Variants in ELMO1 observed in about 807,000 individuals in gnomAD.
ELMO1 encodes engulfment and cell motility protein 1.
Under a neutral mutation model 98.9 loss-of-function variants are expected in ELMO1, and 26 were observed. The observed-to-expected ratio is 0.26, with a 90% CI of 0.19 to 0.36. The LOEUF (loss-of-function observed/expected upper bound fraction) is 0.36. ELMO1 is among the 10% of genes least tolerant of loss of function. The pLI, the probability that ELMO1 is intolerant of heterozygous loss-of-function variation, is 1.00. For missense variants in ELMO1, 627 were observed against 935.2 expected (o/e 0.67, Z 4.30); for synonymous variants, 346 against 346.0 (o/e 1.00, Z 0.00).
Position 37,435,009 on chromosome 7 carries a change from T to C in ELMO1, c.-74+13666A>G, listed in dbSNP as rs1805087002. 2.0e-5 allele frequency: 3 copies of C among 152,212 alleles called. 1 individual carries two copies. In the South Asian group the frequency reaches 6.2e-4, roughly 32 times the overall value. The allele number at this position is 152,212 out of a possible 1,614,324, so 9.4% of individuals were successfully genotyped here. A position where few individuals can be genotyped will look rare whatever the true frequency, so the allele number is the denominator to read the frequency against. On this transcript the variant is annotated intron_variant, in intron 1 of 21. Coordinates refer to ENST00000310758, the MANE Select transcript of ELMO1 (RefSeq NM_014800.11). ...AGCCCATGAAATCAACAGGCCTATT[T>C]TTCTCTTGGAAGGAGGCTCACCATT...
intron 15 of ELMO1, among the ~76,000 whole-genome samples, chr7:37,063,344 A>G (rs1033115800): frequency 3.9e-5 from 6 of 152,210 alleles, no homozygotes. Flanking sequence ...AATTCACCCA[A>G]TTAAGATTTC....
rs933986162 is a variant in ELMO1 at position 37,406,124 on chromosome 7, G to A, written c.-74+42551C>T. On this transcript the variant is annotated intron_variant, in intron 1 of 21. Transcript: ENST00000310758. ...CTTAGGGTTCATTCCATCATTCATG[G>A]GAATGCTTGAGTACTCACGCTGGTT... Among the ~76,000 whole-genome samples, 8 of 152,218 alleles carry A rather than the reference G, an allele frequency of 5.3e-5. No individual in the cohort carries two copies. In the South Asian group the frequency reaches 1.0e-3, roughly 20 times the overall value.
chr7:36,872,938 A>C (rs1803650026), intron 19 of ELMO1, among the ~76,000 whole-genome samples: 1 of 152,204 alleles, frequency 6.6e-6, no homozygotes, highest in South Asian at 2.1e-4. Context: ...CTTAGCTTTG[A>C]AAACCCATTG....
chr7:36,869,260 G>A (rs979903307), intron 20 of ELMO1, among the ~76,000 whole-genome samples: 2 of 152,116 alleles, frequency 1.3e-5, no homozygotes, highest in African/African-American at 4.8e-5. Flanking sequence ...GAGTTCCCAT[G>A]GAGCTGAGGT....
At chr7:37,175,826 G>A (rs970385514) in intron 13 of ELMO1, among the ~76,000 whole-genome samples, 6 of 152,098 alleles carry the variant, frequency 3.9e-5, no homozygotes, top group Admixed American at 1.3e-4. Flanking sequence ...CAGCCTGGGC[G>A]ACAGAGTGAG....
intron 14 of ELMO1, among the ~76,000 whole-genome samples, chr7:37,113,170 T>A (rs886353846): frequency 1.3e-5 from 2 of 152,224 alleles, no homozygotes; most frequent in Non-Finnish European, 2.9e-5. Context: ...GTGGTTTCCA[T>A]CCATGGGGTG....
intron 14 of ELMO1, among the ~76,000 whole-genome samples, chr7:37,114,461 G>A (rs1014861920): frequency 6.6e-6 from 1 of 152,138 alleles, no homozygotes; most frequent in African/African-American, 2.4e-5. Context: ...GGGTCTTAAT[G>A]GAATAAAGAG....
At chr7:37,445,003 T>C (rs956358564) in intron 1 of ELMO1, among the ~76,000 whole-genome samples, 1 of 152,214 alleles carries the variant, frequency 6.6e-6, no homozygotes, top group Non-Finnish European at 1.5e-5. Context: ...AATGTAGTTT[T>C]CCCCAGAATT....
chr7:37,083,287 A>T (rs1330761456), intron 15 of ELMO1, among the ~76,000 whole-genome samples: 3 of 152,182 alleles, frequency 2.0e-5, no homozygotes, highest in Non-Finnish European at 2.9e-5. Flanking sequence ...CTAGGAATCA[A>T]CTGCAGAGTC....
At chr7:37,448,404 T>TCCGCTC (rs1169702822) in intron 1 of ELMO1, among the ~76,000 whole-genome samples, 1 of 143,586 alleles carries the variant, frequency 7.0e-6, no homozygotes, top group African/African-American at 2.6e-5. Flanking sequence ...GCCCCCTCCC[T>TCCGCTC]CCGCTCCCAC....
chr7:37,075,813 T>C (rs1424958594), intron 15 of ELMO1, among the ~76,000 whole-genome samples: 1 of 152,190 alleles, frequency 6.6e-6, no homozygotes, highest in Admixed American at 6.5e-5. Flanking sequence ...CACCCTTCCT[T>C]GTATCACTGT....
chr7:37,035,112 G>A (rs1364197170), intron 15 of ELMO1, among the ~76,000 whole-genome samples: 1 of 152,060 alleles, frequency 6.6e-6, no homozygotes, highest in Non-Finnish European at 1.5e-5. Context: ...CCCATGATAG[G>A]GCACTTTTGT....
chr7:37,244,458 T>C, intron 6 of ELMO1, 67 bp from the exon 7 acceptor site: 1 of 1,522,634 alleles, frequency 6.6e-7, no homozygotes, highest in Non-Finnish European at 9.0e-7. Flanking sequence ...ACAAAGAACA[T>C]ATCTTGAAGA....
At chr7:37,082,691 A>T (rs559917371) in intron 15 of ELMO1, among the ~76,000 whole-genome samples, 1 of 152,210 alleles carries the variant, frequency 6.6e-6, no homozygotes, top group South Asian at 2.1e-4. Context: ...TGACTGCGTT[A>T]CTGCACTCCA....
chr7:37,150,037 A>G (rs182116655), intron 13 of ELMO1, among the ~76,000 whole-genome samples: 27 of 152,282 alleles, frequency 1.8e-4, no homozygotes, highest in African/African-American at 5.5e-4. Flanking sequence ...CTAGTATCAC[A>G]GTGACTCAAT....
intron 18 of ELMO1, among the ~76,000 whole-genome samples, chr7:36,882,682 T>C (rs1474721784): frequency 6.6e-6 from 1 of 152,230 alleles, no homozygotes; most frequent in Non-Finnish European, 1.5e-5. Context: ...GGCCTAATTG[T>C]AAAAACTTCA....
chr7:37,002,686 G>A lies in ELMO1; in HGVS notation c.1437+10613C>T, dbSNP rs1224217011. ...TAAATATCTGTTGAAAGAATGAATA[G>A]CATTTGAAGAGTAAGTTGGATATTG... On this transcript the variant is annotated intron_variant, in intron 16 of 21. Transcript: ENST00000310758. Among the ~76,000 whole-genome samples, 4 of 152,188 alleles carry A rather than the reference G, an allele frequency of 2.6e-5. No individual in the cohort carries two copies. In the South Asian group the frequency reaches 8.3e-4, roughly 31 times the overall value.
intron 15 of ELMO1, among the ~76,000 whole-genome samples, chr7:37,089,539 C>T (rs938499385): frequency 1.3e-5 from 2 of 152,112 alleles, no homozygotes; most frequent in African/African-American, 4.8e-5. Flanking sequence ...TATCCATTTG[C>T]TAAAAGGACA....
chr7:37,168,689 C>T (rs1584754710), intron 13 of ELMO1, among the ~76,000 whole-genome samples: 1 of 152,274 alleles, frequency 6.6e-6, no homozygotes, highest in South Asian at 2.1e-4. Context: ...TCTAATCGTT[C>T]CTCTGGAAGT....
Sources: gnomAD v4.1 joint callset for allele counts (sites outside exome capture counted in the v4.1 genomes callset) on GRCh38, gnomAD v4.1.1 for gene constraint, MANE v1.5 for transcripts, NCBI Gene and HGNC (gene_info 2026-07-23, HGNC 2026-07-21) for gene names.